The following GNPTAB variants were observed in gnomAD, a reference collection of about 807,000 sequenced individuals.
The protein encoded by GNPTAB is N-acetylglucosamine-1-phosphate transferase subunits alpha and beta, also known as N-acetylglucosamine-1-phosphotransferase subunits alpha/beta.
GNPTAB carries 92 observed loss-of-function variants against 136.6 expected under a neutral mutation model. The observed-to-expected ratio is 0.67, with a 90% CI of 0.57 to 0.80. The LOEUF is 0.80. Among genes scored for constraint, GNPTAB ranks in the 30% least tolerant of loss-of-function variants. The pLI, the probability that GNPTAB is intolerant of heterozygous loss-of-function variation, is 0.00. For missense variants in GNPTAB, 1,343 were observed against 1,501.8 expected (o/e 0.89, Z 1.75); for synonymous variants, 512 against 535.1 (o/e 0.96, Z 0.60).
At chr12:101,760,646 A>C (rs773123865) in intron 15 of GNPTAB, among the ~76,000 whole-genome samples, 2 of 152,180 alleles carry the variant, frequency 1.3e-5, no homozygotes, top group Non-Finnish European at 2.9e-5. Flanking sequence ...ACAAACCCCA[A>C]ATTTGGTTAT....
intron 1 of GNPTAB, among the ~76,000 whole-genome samples, chr12:101,797,255 G>A (rs1385758993): frequency 6.6e-6 from 1 of 152,078 alleles, no homozygotes; most frequent in African/African-American, 2.4e-5. Flanking sequence ...AGCACTGAAG[G>A]ATTTTAAGGC....
chr12:101,747,062 G>T lies in GNPTAB; in HGVS notation c.*102C>A. On this transcript the variant is annotated 3_prime_UTR_variant, in exon 21 of 21. Transcript: ENST00000299314. ...ATGGTACTGGATATTTTCCTTCTTCGGGCCAAACTGCTAAGCATCACATCA... is the reference window on the plus strand; with the variant it reads ...ATGGTACTGGATATTTTCCTTCTTCTGGCCAAACTGCTAAGCATCACATCA... 1 of 762,650 alleles carries T rather than the reference G, an allele frequency of 1.3e-6. No homozygotes were observed. The highest frequency in any genetic ancestry group is 2.6e-5 in the East Asian group (1 of 38,796). 47.2% of individuals were successfully genotyped at this position (762,650 alleles called of 1,614,324 possible).
intron 1 of GNPTAB, 29 bp downstream of exon 1, chr12:101,830,530 C>A: frequency 3.6e-6 from 5 of 1,379,234 alleles, no homozygotes; most frequent in Non-Finnish European, 5.2e-6. Context: ...GTCGAGGCGC[C>A]CGGTCCAGGC....
At chr12:101,754,043 G>C (rs1161620858) in intron 18 of GNPTAB, among the ~76,000 whole-genome samples, 4 of 151,950 alleles carry the variant, frequency 2.6e-5, no homozygotes, top group African/African-American at 9.7e-5. Flanking sequence ...CAGCTCTTCA[G>C]GAAGCTGAGG....
intron 1 of GNPTAB, among the ~76,000 whole-genome samples, chr12:101,802,292 G>A (rs1869687132): frequency 6.6e-6 from 1 of 151,802 alleles, no homozygotes; most frequent in South Asian, 2.1e-4. Context: ...AATTCCTCTA[G>A]ACCCCAAATT....
intron 1 of GNPTAB, among the ~76,000 whole-genome samples, chr12:101,798,732 G>A (rs1294543977): frequency 6.6e-6 from 1 of 152,166 alleles, no homozygotes; most frequent in Non-Finnish European, 1.5e-5. Flanking sequence ...CTCACATGTT[G>A]CGAGTATCTG....
chr12:101,780,240 G>A lies in GNPTAB; in HGVS notation c.683C>T (p.Ala228Val). The stretch of plus-strand genomic sequence containing the variant: ...TGTTGGTGGAAATCCACTCAGGAAA[G>A]CCAAATCTTGCATTAGCACTAATCC... ...VPGLVLMQDL[A>V]FLSGFPPTFK... The change falls in exon 7 of 21, where the codon GCT becomes GTT. Residue 228 changes from alanine to valine, a missense_variant. Coordinates refer to ENST00000299314, the MANE Select transcript of GNPTAB (RefSeq NM_024312.5). 1 of 1,613,526 alleles carries A rather than the reference G, an allele frequency of 6.2e-7. No homozygotes were observed. Among genetic ancestry groups the A allele is most frequent in the African/African-American group, 1.3e-5 (1 of 75,030 alleles).
At position 101,780,278 on chromosome 12, in the gene GNPTAB, A is replaced by G. The variant is rs372035397; in HGVS notation, c.645T>C (p.Asp215=). Residue 215 remains aspartate (D), a synonymous_variant, in exon 7 of 21, where the codon GAT becomes GAC. Coordinates refer to ENST00000299314, the MANE Select transcript of GNPTAB (RefSeq NM_024312.5). The part of the protein sequence containing the change: ...QTVWRGYLTT[D]KEVPGLVLMQ... Reference sequence around the variant, plus strand: ...TTAGCACTAATCCAGGGACTTCTTTATCTGTTGTCTAAAATAAGGGGAAAA... The same window carrying G: ...TTAGCACTAATCCAGGGACTTCTTTGTCTGTTGTCTAAAATAAGGGGAAAA... 6.2e-7 allele frequency: 1 copy of G among 1,614,052 alleles called. No individual in the cohort carries two copies. Among genetic ancestry groups the G allele is most frequent in the African/African-American group, 1.3e-5 (1 of 75,056 alleles).
In GNPTAB at chr12:101,753,310, T is replaced by C. The variant is rs11110997; in HGVS notation, c.3602+62A>G. On this transcript the variant is annotated intron_variant, in intron 19 of 20. Coordinates refer to ENST00000299314, the MANE Select transcript of GNPTAB (RefSeq NM_024312.5). ...AAAAAAACATTTCATCACTAACATA[T>C]AGATACATATGCATGTATACACTCA... 142,902 of 1,230,016 alleles carry C rather than the reference T, an allele frequency of 0.12. 9,117 individuals carry two copies. The highest frequency in any genetic ancestry group is 0.18 in the Middle Eastern group (934 of 5,314). 76.2% of individuals were successfully genotyped at this position (1,230,016 alleles called of 1,614,324 possible).
At chr12:101,784,094 G>GT (rs1243781177) in intron 5 of GNPTAB, among the ~76,000 whole-genome samples, 2 of 152,086 alleles carry the variant, frequency 1.3e-5, no homozygotes, top group Admixed American at 6.5e-5. Flanking sequence ...CTGGTGAGTG[G>GT]TAAGTTTTCT....
chr12:101,757,937 G>T (rs1283025097), intron 16 of GNPTAB, among the ~76,000 whole-genome samples: 1 of 152,026 alleles, frequency 6.6e-6, no homozygotes, highest in Non-Finnish European at 1.5e-5. Context: ...AACTGCTGAA[G>T]TACACAGACG....
chr12:101,769,233 G>A (rs1191265742), intron 10 of GNPTAB, among the ~76,000 whole-genome samples: 2 of 152,156 alleles, frequency 1.3e-5, no homozygotes, highest in Non-Finnish European at 2.9e-5. Context: ...CACTGCCCAA[G>A]GTCATCCTGA....
In GNPTAB at chr12:101,772,802, C is replaced by A. The variant is rs570992549; in HGVS notation, c.772-1645G>T. On this transcript the variant is annotated intron_variant, in intron 7 of 20. Coordinates refer to ENST00000299314, the MANE Select transcript of GNPTAB (RefSeq NM_024312.5). ...GAGAGAAAAAGTCACTATTCTAGAA[C>A]AATTTATTTACTTATTTTTATTTCT... Among the ~76,000 whole-genome samples the A allele has an allele frequency of 7.9e-5, 12 of 152,200 alleles. No individual in the cohort carries two copies. In the East Asian group the frequency reaches 1.4e-3, roughly 17 times the overall value.
intron 7 of GNPTAB, among the ~76,000 whole-genome samples, chr12:101,777,676 C>G (rs1426566701): frequency 6.6e-6 from 1 of 152,202 alleles, no homozygotes; most frequent in Non-Finnish European, 1.5e-5. Context: ...TGGAGCTCAT[C>G]ATACACACAA....
At position 101,796,242 on chromosome 12, in the gene GNPTAB, A is replaced by G. The variant is rs904227363; in HGVS notation, c.203+435T>C. The G allele has an allele frequency of 7.0e-5, 49 of 702,500 alleles. No individual in the cohort carries two copies. In the African/African-American group the frequency reaches 8.2e-4, roughly 12 times the overall value. 43.5% of individuals were successfully genotyped at this position (702,500 alleles called of 1,614,324 possible). On this transcript the variant is annotated intron_variant, in intron 2 of 20. Transcript: ENST00000299314. ...GTTTCCTCATCCTACAGGGGGATGA[A>G]ATTCCCTTTACCTCACAGACCTGGG...
chr12:101,799,448 T>C (rs768728040), intron 1 of GNPTAB, among the ~76,000 whole-genome samples: 1 of 152,138 alleles, frequency 6.6e-6, no homozygotes, highest in Non-Finnish European at 1.5e-5. Flanking sequence ...AATTTAATCA[T>C]GGGAAAAATG....
At chr12:101,790,753 A>C (rs1868940329) in intron 2 of GNPTAB, among the ~76,000 whole-genome samples, 1 of 151,536 alleles carries the variant, frequency 6.6e-6, no homozygotes, top group Non-Finnish European at 1.5e-5. Context: ...AAAAAAAAAA[A>C]AAAGAACAAA....
chr12:101,809,636 G>A (rs902872384), intron 1 of GNPTAB, among the ~76,000 whole-genome samples: 2 of 152,118 alleles, frequency 1.3e-5, no homozygotes, highest in African/African-American at 4.8e-5. Context: ...TATTACTAAA[G>A]GAAAGAAGCA....
At chr12:101,818,253 G>A (rs1449270541) in intron 1 of GNPTAB, among the ~76,000 whole-genome samples, 1 of 152,108 alleles carries the variant, frequency 6.6e-6, no homozygotes, top group East Asian at 1.9e-4. Context: ...CACACCATCT[G>A]AGAAAGTGTG....
Sources: allele counts gnomAD v4.1 joint callset (sites outside exome capture counted in the v4.1 genomes callset), GRCh38; gene constraint gnomAD v4.1.1; transcripts MANE v1.5; gene names NCBI Gene and HGNC (gene_info 2026-07-23, HGNC 2026-07-21).